PTPN13: variants seen among roughly 807,000 people sequenced by gnomAD.
PTPN13 encodes tyrosine-protein phosphatase non-receptor type 13.
Under a neutral mutation model 284.0 loss-of-function variants are expected in PTPN13, and 191 were observed. That is an observed-to-expected ratio of 0.67 (90% CI 0.60 to 0.76). The LOEUF (loss-of-function observed/expected upper bound fraction) is 0.76, where lower values mean the gene tolerates loss of function less well. PTPN13 is among the 30% of genes least tolerant of loss of function. The pLI, the probability that PTPN13 is intolerant of heterozygous loss-of-function variation, is 0.00. For synonymous variants in PTPN13, 986 were observed against 1,022.3 expected, an observed-to-expected ratio of 0.96 and a Z score of 0.68; for missense variants, 2,797 against 2,939.9, an observed-to-expected ratio of 0.95 and a Z score of 1.12.
rs199877901 is a variant in PTPN13 at position 86,717,076 on chromosome 4, G to A, written c.1344G>A (p.Gly448=). The change falls in exon 9 of 48, where the codon GGG becomes GGA. Residue 448 remains glycine (G), a synonymous_variant. Coordinates refer to ENST00000411767, the MANE Select transcript of PTPN13 (RefSeq NM_080683.3). ...KRFESSSGLP[G]VDETLSQGQS... is the part of the protein sequence containing the mutation. ...TTGAATCCAGCAGTGGTCTCCCAGGGGTAGATGAAACCTTAAGTCAAGGCC... is the reference window on the plus strand; with the variant it reads ...TTGAATCCAGCAGTGGTCTCCCAGGAGTAGATGAAACCTTAAGTCAAGGCC... The A allele has an allele frequency of 4.2e-5, 68 of 1,612,976 alleles. No individual in the cohort carries two copies. Among genetic ancestry groups the A allele is most frequent in the Non-Finnish European group, 5.5e-5 (65 of 1,179,600 alleles).
intron 1 of PTPN13, among the ~76,000 whole-genome samples, chr4:86,626,723 C>A (rs1169025695): frequency 3.3e-5 from 5 of 152,070 alleles, no homozygotes; most frequent in African/African-American, 1.2e-4. Context: ...AATACAATTA[C>A]CATATGATTT....
chr4:86,809,697 GA>G (rs1333686761), intron 45 of PTPN13, 71 bp from the exon 46 acceptor site: 16 of 1,417,330 alleles, frequency 1.1e-5, no homozygotes, highest in Non-Finnish European at 1.3e-5. Flanking sequence ...TCTCAAGAAA[GA>G]AAAAAAAGAA....
intron 10 of PTPN13, among the ~76,000 whole-genome samples, chr4:86,727,023 G>A (rs967735662): frequency 1.3e-5 from 2 of 149,542 alleles, no homozygotes; most frequent in African/African-American, 4.9e-5. Flanking sequence ...TTAGCATGAA[G>A]GGCTGTTTAA....
At chr4:86,660,064 A>G (rs1405968665) in intron 2 of PTPN13, among the ~76,000 whole-genome samples, 2 of 152,220 alleles carry the variant, frequency 1.3e-5, no homozygotes, top group African/African-American at 2.4e-5. Context: ...CAAAATAATC[A>G]GTCAACTTGA....
intron 15 of PTPN13, among the ~76,000 whole-genome samples, chr4:86,738,231 A>G (rs1338425389): frequency 6.6e-6 from 1 of 152,178 alleles, no homozygotes; most frequent in Admixed American, 6.5e-5. Flanking sequence ...AATATCTAGC[A>G]GTAGGATTGC....
At chr4:86,711,158 C>T (rs1353921827) in intron 7 of PTPN13, among the ~76,000 whole-genome samples, 1 of 129,466 alleles carries the variant, frequency 7.7e-6, no homozygotes, top group Non-Finnish European at 1.6e-5. Context: ...AGTCTTAAGG[C>T]AGATTGCTGT....
chr4:86,676,914 A>G (rs1017141661), intron 3 of PTPN13, among the ~76,000 whole-genome samples: 7 of 152,250 alleles, frequency 4.6e-5, no homozygotes, highest in African/African-American at 1.7e-4. Flanking sequence ...TAGTTTTGCA[A>G]GGTGAAAAAG....
chr4:86,788,315 C>A lies in PTPN13; in HGVS notation c.6345+2379C>A, dbSNP rs980657078. 5.3e-5 allele frequency among the ~76,000 whole-genome samples: 8 copies of A among 152,292 alleles called. No individual in the cohort carries two copies. In the South Asian group the frequency reaches 1.5e-3, roughly 28 times the overall value. On this transcript the variant is annotated intron_variant, in intron 40 of 47. Transcript: ENST00000411767. ...TCTTGTATTTCTAGAATATTACCTA[C>A]ATTTTAGAACTGGCTAGTTTTAAAA...
intron 47 of PTPN13, among the ~76,000 whole-genome samples, chr4:86,811,657 G>A (rs999214033): frequency 3.9e-5 from 6 of 152,162 alleles, no homozygotes; most frequent in African/African-American, 1.2e-4. Context: ...ACACAATGGC[G>A]TCCTTCACAG....
intron 31 of PTPN13, 146 bp downstream of exon 31, chr4:86,771,681 G>A (rs2149275337): frequency 2.2e-6 from 2 of 919,220 alleles, no homozygotes; most frequent in East Asian, 2.7e-5. Flanking sequence ...TGGATGTCTA[G>A]CTATTGTGAC....
chr4:86,635,358 A>T lies in PTPN13; in HGVS notation c.102A>T (p.Glu34Asp), dbSNP rs1457275364. 1.3e-6 allele frequency: 2 copies of T among 1,597,250 alleles called. No individual in the cohort carries two copies. Among genetic ancestry groups the T allele is most frequent in the African/African-American group, 2.7e-5 (2 of 74,640 alleles). The change falls in exon 2 of 48, where the codon GAA (glutamate) becomes GAT (aspartate). Residue 34 changes from glutamate (E) to aspartate (D), a missense_variant. Physicochemically the swap from Glu to Asp is conservative, Grantham distance 45. Transcript: ENST00000411767. Reference protein sequence around the residue: ...VLNQSAESLQELFRKVSLADP... With the variant: ...VLNQSAESLQDLFRKVSLADP... ...ATCAAAGTGCTGAAAGTCTCCAAGAATTATTCAGAAAAGGTAAGCTGCTGC... is the reference window on the plus strand; with the variant it reads ...ATCAAAGTGCTGAAAGTCTCCAAGATTTATTCAGAAAAGGTAAGCTGCTGC...
At chr4:86,671,248 A>C (rs563382476) in intron 2 of PTPN13, among the ~76,000 whole-genome samples, 85 of 152,206 alleles carry the variant, frequency 5.6e-4, no homozygotes, top group Non-Finnish European at 1.0e-3. Context: ...ATTTAAAAAA[A>C]ATTCAGTTCT....
At chr4:86,705,611 T>C (rs1326920418) in intron 7 of PTPN13, among the ~76,000 whole-genome samples, 4 of 152,156 alleles carry the variant, frequency 2.6e-5, no homozygotes, top group Admixed American at 2.6e-4. Flanking sequence ...TTGTGATCTT[T>C]AAATTTGGCA....
intron 7 of PTPN13, among the ~76,000 whole-genome samples, chr4:86,709,100 TGTGGATGGATGC>T (rs1443096306): frequency 6.6e-6 from 1 of 151,986 alleles, no homozygotes; most frequent in Non-Finnish European, 1.5e-5. Context: ...CACACACTTG[TGTGGATGGATGC>T]GTGGATAGAT....
At chr4:86,635,572 C>A (rs1565195640) in intron 2 of PTPN13, among the ~76,000 whole-genome samples, 2 of 152,088 alleles carry the variant, frequency 1.3e-5, no homozygotes, top group South Asian at 4.1e-4. Flanking sequence ...TTCTATGTGC[C>A]CAATATTACA....
chr4:86,640,733 A>G (rs1362250395), intron 2 of PTPN13, among the ~76,000 whole-genome samples: 3 of 152,172 alleles, frequency 2.0e-5, no homozygotes, highest in Non-Finnish European at 4.4e-5. Context: ...TTCACATTTC[A>G]TAATGTTAAT....
chr4:86,763,229 CA>C (rs749932649), intron 24 of PTPN13, 39 bp downstream of exon 24: 15 of 1,520,762 alleles, frequency 9.9e-6, no homozygotes, highest in Non-Finnish European at 1.3e-5. Flanking sequence ...TCTCATTTAA[CA>C]AAGCAAAATA....
At chr4:86,728,643 CTTTTT>C (rs57773658) in intron 10 of PTPN13, among the ~76,000 whole-genome samples, 10 of 24,502 alleles carry the variant, frequency 4.1e-4, no homozygotes, top group Non-Finnish European at 4.6e-4. Context: ...CAACCCCTGC[CTTTTT>C]TTTTTTTTTT....
intron 42 of PTPN13, among the ~76,000 whole-genome samples, chr4:86,799,641 T>C (rs1266974211): frequency 6.6e-6 from 1 of 151,888 alleles, no homozygotes; most frequent in Non-Finnish European, 1.5e-5. Flanking sequence ...CAGTATTTGC[T>C]TTTAAACATA....
Sources: allele counts gnomAD v4.1 joint callset (sites outside exome capture counted in the v4.1 genomes callset), GRCh38; gene constraint gnomAD v4.1.1; transcripts MANE v1.5; gene names NCBI Gene and HGNC (gene_info 2026-07-23, HGNC 2026-07-21).